Variants in UPB1 observed in about 807,000 individuals in gnomAD.
UPB1 encodes the protein beta-ureidopropionase.
A neutral mutation model predicts 49.1 loss-of-function variants in UPB1; 40 were observed. That is an observed-to-expected ratio of 0.81 (90% CI 0.63 to 1.06). UPB1 has a LOEUF of 1.06. UPB1 is among the 50% of genes least tolerant of loss of function. The pLI is 0.00. For synonymous variants in UPB1, 207 were observed against 198.2 expected (o/e 1.04, Z -0.38); for missense variants, 499 against 505.9 (o/e 0.99, Z 0.13).
At chr22:24,500,340 AC>A (rs1601479121) in intron 2 of UPB1, 62 bp downstream of exon 2, 8 of 1,606,642 alleles carry the variant, frequency 5.0e-6, no homozygotes, top group Non-Finnish European at 6.8e-6. Flanking sequence ...CTTGGAGCAC[AC>A]CTGCAGGCCC....
Position 24,500,267 on chromosome 22 carries a change from G to A in UPB1, c.265G>A (p.Val89Met). 1 of 1,614,180 alleles carries A rather than the reference G, an allele frequency of 6.2e-7. No individual in the cohort carries two copies. The highest frequency in any genetic ancestry group is 8.5e-7 in the Non-Finnish European group (1 of 1,180,028). ...AATCCCCCTCCCCGCAAATGCCCCT[G>A]TGGCAGAACAGGTGCAGACTCTTTT... is the stretch of plus-strand genomic sequence containing the variant. ...NRIPLPANAP[V>M]AEQVSALHRR... is the part of the protein sequence containing the mutation. Residue 89 changes from valine to methionine, a missense_variant, in exon 2 of 10, where the codon GTG (valine) becomes ATG (methionine). Transcript: ENST00000326010.
chr22:24,511,552 G>A (rs2044201415), intron 4 of UPB1, among the ~76,000 whole-genome samples: 1 of 150,866 alleles, frequency 6.6e-6, no homozygotes, highest in East Asian at 1.9e-4. Flanking sequence ...CCCACCTCTC[G>A]CTACTGTACT....
intron 5 of UPB1, 33 bp downstream of exon 5, chr22:24,513,518 G>A (rs747230849): frequency 6.2e-6 from 10 of 1,606,186 alleles, no homozygotes; most frequent in Non-Finnish European, 7.6e-6. Flanking sequence ...AACCAGCCCT[G>A]CTCACTTGCC....
Position 24,520,418 on chromosome 22 carries a change from G to A in UPB1, c.823G>A (p.Ala275Thr), listed in dbSNP as rs1160325059. 15 of 1,614,032 alleles carry A rather than the reference G, an allele frequency of 9.3e-6. No individual in the cohort carries two copies. The highest frequency in any genetic ancestry group is 1.6e-4 in the Middle Eastern group (1 of 6,084). ...CCTGTGGCCCATCGAGGCCAGAAAC[G>A]CAGCCATTGCCAATCACTGCTTCAC... ...ESLWPIEARNAAIANHCFTCA... is the reference protein window; with the variant it reads ...ESLWPIEARNTAIANHCFTCA... The change falls in exon 7 of 10, where the codon GCA becomes ACA. Residue 275 changes from alanine to threonine, a missense_variant. Coordinates refer to ENST00000326010, the MANE Select transcript of UPB1 (RefSeq NM_016327.3).
Position 24,525,738 on chromosome 22 carries a change from C to T in UPB1, c.1099C>T (p.Arg367Trp), listed in dbSNP as rs542324398. 13 of 1,614,160 alleles carry T rather than the reference C, an allele frequency of 8.1e-6. No homozygotes were observed. Among genetic ancestry groups the T allele is most frequent in the African/African-American group, 1.3e-5 (1 of 75,034 alleles). ...GACGGGCAGGTATGAGATGTACGCACGGGAGCTCGCCGAAGCTGTCAAGTC... is the reference window on the plus strand; with the variant it reads ...GACGGGCAGGTATGAGATGTACGCATGGGAGCTCGCCGAAGCTGTCAAGTC... ...KMTGRYEMYA[R>W]ELAEAVKSNY... Residue 367 changes from arginine to tryptophan, a missense_variant, in exon 10 of 10, where the codon CGG (arginine) becomes TGG (tryptophan). Transcript: ENST00000326010.
intron 5 of UPB1, among the ~76,000 whole-genome samples, chr22:24,514,501 G>T (rs1361008668): frequency 6.6e-6 from 1 of 152,142 alleles, no homozygotes; most frequent in African/African-American, 2.4e-5. Flanking sequence ...GAGGTGGAAG[G>T]CTCCTGGAGC....
intron 6 of UPB1, among the ~76,000 whole-genome samples, chr22:24,516,277 G>A (rs2044291691): frequency 6.6e-6 from 1 of 152,176 alleles, no homozygotes; most frequent in Admixed American, 6.5e-5. Context: ...CCCTTGTCAA[G>A]GCAGGGCTGG....
At chr22:24,515,996 C>T (rs1020416273) in intron 6 of UPB1, among the ~76,000 whole-genome samples, 13 of 151,554 alleles carry the variant, frequency 8.6e-5, no homozygotes, top group East Asian at 3.9e-4. Flanking sequence ...CAAAACAAAA[C>T]GAAAAAACAA....
At chr22:24,503,461 A>G (rs1279286747) in intron 3 of UPB1, 3 of 151,918 alleles carry the variant, frequency 2.0e-5, no homozygotes, top group Non-Finnish European at 2.9e-5. Flanking sequence ...GTGGATCCTT[A>G]TAGATTTATG....
At position 24,522,405 on chromosome 22, in the gene UPB1, C is replaced by T. The variant is rs1601516794; in HGVS notation, c.916+377C>T. Among the ~76,000 whole-genome samples, 3 of 152,322 alleles carry T rather than the reference C, an allele frequency of 2.0e-5. No individual in the cohort carries two copies. In the East Asian group the frequency reaches 5.8e-4, roughly 29 times the overall value. Reference sequence around the variant, plus strand: ...TCCCCCCTCCCCTTGCCCAAACCAGCTGTACTGATGCCACAGGGCATTGGC... The same window carrying T: ...TCCCCCCTCCCCTTGCCCAAACCAGTTGTACTGATGCCACAGGGCATTGGC... On this transcript the variant is annotated intron_variant, in intron 8 of 9. Transcript: ENST00000326010.
At chr22:24,511,085 A>T (rs1020366006) in intron 4 of UPB1, among the ~76,000 whole-genome samples, 1 of 151,918 alleles carries the variant, frequency 6.6e-6, no homozygotes, top group Non-Finnish European at 1.5e-5. Flanking sequence ...CAGCCCAGGG[A>T]GGGTGGTCGG....
chr22:24,504,316 TTTGG>T (rs1471469725), intron 3 of UPB1, among the ~76,000 whole-genome samples: 4 of 152,224 alleles, frequency 2.6e-5, no homozygotes, highest in Non-Finnish European at 4.4e-5. Flanking sequence ...TTCTTGATAG[TTTGG>T]TTGAGCATCA....
intron 8 of UPB1, among the ~76,000 whole-genome samples, chr22:24,522,882 T>G (rs2044419928): frequency 6.8e-6 from 1 of 146,944 alleles, no homozygotes; most frequent in Non-Finnish European, 1.5e-5. Flanking sequence ...AGGTGGAGGT[T>G]GTGGTGAGCT....
At chr22:24,501,504 G>A (rs1306989902) in intron 2 of UPB1, among the ~76,000 whole-genome samples, 1 of 152,234 alleles carries the variant, frequency 6.6e-6, no homozygotes, top group Non-Finnish European at 1.5e-5. Context: ...AAGGCCAGGG[G>A]ATGCTGAGTT....
At chr22:24,517,310 G>T (rs1407901319) in intron 6 of UPB1, among the ~76,000 whole-genome samples, 1 of 152,222 alleles carries the variant, frequency 6.6e-6, no homozygotes, top group Non-Finnish European at 1.5e-5. Context: ...ATGGTGGTCA[G>T]ATCACCAGTG....
Position 24,501,468 on chromosome 22 carries a change from A to G in UPB1, c.277-658A>G, listed in dbSNP as rs9624485. Reference sequence around the variant, plus strand: ...AGACAGCAGAGGAAGAGTGGCACACAAAGCAGTGGCACACAATGGCTCCCG... The same window carrying G: ...AGACAGCAGAGGAAGAGTGGCACACGAAGCAGTGGCACACAATGGCTCCCG... On this transcript the variant is annotated intron_variant, in intron 2 of 9. Transcript: ENST00000326010. Among the ~76,000 whole-genome samples, 1,429 of 152,308 alleles carry G rather than the reference A, an allele frequency of 9.4e-3. 32 individuals are homozygous for G. Among genetic ancestry groups the G allele is most frequent in the African/African-American group, 0.033 (1,363 of 41,560 alleles).
rs1335801650 is a variant in UPB1, at chr22:24,526,112, G to C, written c.*318G>C. 1 of 382,812 alleles carries C rather than the reference G, an allele frequency of 2.6e-6. No homozygotes were observed. Among genetic ancestry groups the C allele is most frequent in the East Asian group, 6.3e-5 (1 of 15,936 alleles). The allele number at this position is 382,812 out of a possible 1,614,324, so 23.7% of individuals were successfully genotyped here. A position where few individuals can be genotyped will look rare whatever the true frequency, so the allele number is the denominator to read the frequency against. On this transcript the variant is annotated 3_prime_UTR_variant, in exon 10 of 10. Transcript: ENST00000326010. Reference sequence around the variant, plus strand: ...AAAATGCCCAGGTACTGCTTGTGCAGGTGGATTTGAGGTTAGGCAGATGAT... The same window carrying C: ...AAAATGCCCAGGTACTGCTTGTGCACGTGGATTTGAGGTTAGGCAGATGAT...
chr22:24,526,079 TAAA>T lies in UPB1; in HGVS notation c.*294_*296del, dbSNP rs113492967. 1 of 373,730 alleles carries T rather than the reference TAAA, an allele frequency of 2.7e-6. No individual in the cohort carries two copies. The allele number at this position is 373,730 out of a possible 1,614,324, so 23.2% of individuals were successfully genotyped here. Reference sequence around the variant, plus strand: ...TTTGTTATGTAAATTTTACCTCAACTAAAAAAAAAAATGCCCAGGTACTGCTTG... The same window carrying T: ...TTTGTTATGTAAATTTTACCTCAACTAAAAAAAATGCCCAGGTACTGCTTG... On this transcript the variant is annotated 3_prime_UTR_variant, in exon 10 of 10. Transcript: ENST00000326010.
At chr22:24,525,624 C>T in intron 9 of UPB1, 87 bp from the exon 10 acceptor site, 2 of 1,510,034 alleles carry the variant, frequency 1.3e-6, no homozygotes, top group East Asian at 2.3e-5. Context: ...CCCATGACTG[C>T]CCTCCAGTGG....
Sources: allele counts gnomAD v4.1 joint callset (sites outside exome capture counted in the v4.1 genomes callset), GRCh38; gene constraint gnomAD v4.1.1; transcripts MANE v1.5; gene names NCBI Gene and HGNC (gene_info 2026-07-23, HGNC 2026-07-21).